Variants in AEBP2 observed in about 807,000 individuals in gnomAD.
The protein encoded by AEBP2 is zinc finger protein AEBP2.
In AEBP2, 10 loss-of-function variants were observed where a neutral mutation model predicts 50.8. The ratio of observed to expected loss-of-function variants is 0.20; its 90% confidence interval spans 0.12 to 0.33. The LOEUF (loss-of-function observed/expected upper bound fraction) is 0.33. Among genes scored for constraint, AEBP2 ranks in the 10% least tolerant of loss-of-function variants. AEBP2 has a pLI of 1.00. For missense variants in AEBP2, 570 were observed against 688.0 expected, an observed-to-expected ratio of 0.83 and a Z score of 1.92; for synonymous variants, 296 against 261.3, an observed-to-expected ratio of 1.13 and a Z score of -1.28.
chr12:19,424,162 C>T (rs1467782920), intron 1 of AEBP2, among the ~76,000 whole-genome samples: 1 of 151,986 alleles, frequency 6.6e-6, no homozygotes, highest in Non-Finnish European at 1.5e-5. Flanking sequence ...ACCATGAAAG[C>T]TATAGATCAT....
At chr12:19,484,523 C>T (rs1208248361) in intron 3 of AEBP2, among the ~76,000 whole-genome samples, 4 of 151,736 alleles carry the variant, frequency 2.6e-5, no homozygotes, top group Non-Finnish European at 5.9e-5. Flanking sequence ...TACAGGTACC[C>T]ACCACCACGC....
intron 1 of AEBP2, among the ~76,000 whole-genome samples, chr12:19,441,106 G>A (rs1166642986): frequency 6.6e-6 from 1 of 152,160 alleles, no homozygotes; most frequent in African/African-American, 2.4e-5. Flanking sequence ...CAGTCTTGAA[G>A]GTACAACGTA....
At chr12:19,458,382 T>C (rs1948311081) in intron 1 of AEBP2, among the ~76,000 whole-genome samples, 1 of 152,178 alleles carries the variant, frequency 6.6e-6, no homozygotes, top group Non-Finnish European at 1.5e-5. Flanking sequence ...CTGTTCAGCT[T>C]GGGGGAGACT....
chr12:19,473,819 T>C (rs981117235), intron 3 of AEBP2, among the ~76,000 whole-genome samples: 2 of 152,224 alleles, frequency 1.3e-5, no homozygotes, highest in Admixed American at 6.5e-5. Context: ...TGTACACGCA[T>C]TGAATTTCAA....
chr12:19,439,625 G>GGGGGCGAGGGAGAGA lies in AEBP2; in HGVS notation c.-73_-59dup, dbSNP rs1947903007. 6.8e-7 allele frequency: 1 copy of GGGGGCGAGGGAGAGA among 1,478,884 alleles called. No homozygotes were observed. The highest frequency in any genetic ancestry group is 1.5e-5 in the African/African-American group (1 of 68,962). The allele number at this position is 1,478,884 out of a possible 1,614,324, so 91.6% of individuals were successfully genotyped here. A position where few individuals can be genotyped will look rare whatever the true frequency, so the allele number is the denominator to read the frequency against. On this transcript the variant is annotated 5_prime_UTR_variant, in exon 1 of 8. Transcript: ENST00000266508. Reference sequence around the variant, plus strand: ...CGGCGGAGTTTTGGGCGTTTGGGAGGGGGGCGAGGGAGAGAGAGTCGAGAG... The same window carrying GGGGGCGAGGGAGAGA: ...CGGCGGAGTTTTGGGCGTTTGGGAGGGGGGCGAGGGAGAGAGGGGCGAGGGAGAGAGAGTCGAGAG...
chr12:19,486,277 C>G (rs78640511), intron 3 of AEBP2, among the ~76,000 whole-genome samples: 1 of 152,012 alleles, frequency 6.6e-6, no homozygotes, highest in Non-Finnish European at 1.5e-5. Flanking sequence ...GAGATTTGTA[C>G]GAATTGTATC....
At chr12:19,419,465 T>A (rs1366724213) in intron 1 of AEBP2, among the ~76,000 whole-genome samples, 2 of 152,008 alleles carry the variant, frequency 1.3e-5, no homozygotes, top group Non-Finnish European at 2.9e-5. Context: ...GGCACGTGCC[T>A]ATAGTCCTAG....
In AEBP2 at chr12:19,513,015, TTTTTGTTTTTTTG is replaced by T. The variant is rs1162153068; in HGVS notation, c.1367+562_1367+574del. On this transcript the variant is annotated intron_variant, in intron 6 of 7. Transcript: ENST00000266508. The stretch of plus-strand genomic sequence containing the variant: ...ATCTTGTGTGGTGTTTTTTGTTTTG[TTTTTGTTTTTTTG>T]TTTTGTTTTTTGAGATGCTCAACCT... Among the ~76,000 whole-genome samples the T allele has an allele frequency of 2.6e-5, 4 of 152,086 alleles. No homozygotes were observed. In the East Asian group the frequency reaches 5.8e-4, roughly 22 times the overall value.
chr12:19,440,133 C>T lies in AEBP2; in HGVS notation c.434C>T (p.Ala145Val). 6.6e-7 allele frequency: 1 copy of T among 1,504,488 alleles called. No individual in the cohort carries two copies. Among genetic ancestry groups the T allele is most frequent in the Non-Finnish European group, 8.8e-7 (1 of 1,133,202 alleles). The allele number at this position is 1,504,488 out of a possible 1,614,324, so 93.2% of individuals were successfully genotyped here. Residue 145 changes from alanine to valine, a missense_variant, in exon 1 of 8, where the codon GCC (alanine) becomes GTC (valine). Coordinates refer to ENST00000266508, the MANE Select transcript of AEBP2 (RefSeq NM_153207.5). ...DETRSLSPGA[A>V]SSSSGDGDGK... ...ACCCGCTCGTTGAGCCCCGGCGCCG[C>T]CAGCAGCAGCAGCGGGGATGGGGAC...
At chr12:19,422,584 C>T (rs2095746372) in intron 1 of AEBP2, among the ~76,000 whole-genome samples, 1 of 151,878 alleles carries the variant, frequency 6.6e-6, no homozygotes, top group African/African-American at 2.4e-5. Context: ...GCAACGTCCA[C>T]CTCCCGGATT....
chr12:19,415,662 A>ACT lies in AEBP2; in HGVS notation c.-17+11446_-17+11447insCT, dbSNP rs1439802461. 2.8e-3 allele frequency among the ~76,000 whole-genome samples: 405 copies of ACT among 145,082 alleles called. 1 individual carries two copies. The highest frequency in any genetic ancestry group is 9.8e-3 in the African/African-American group (382 of 39,046). The stretch of plus-strand genomic sequence containing the variant: ...CAGAGATGAGAGATTAAATCAATAC[A>ACT]ATACAATACAATACAATACAATACA... On this transcript the variant is annotated intron_variant, in intron 1 of 3. Coordinates refer to the AEBP2 transcript ENST00000538425.
At chr12:19,423,179 G>A (rs1250350985) in intron 1 of AEBP2, among the ~76,000 whole-genome samples, 1 of 150,424 alleles carries the variant, frequency 6.6e-6, no homozygotes, top group Non-Finnish European at 1.5e-5. Flanking sequence ...GCTAAGAGCA[G>A]TGCCTCATAC....
intron 4 of AEBP2, among the ~76,000 whole-genome samples, chr12:19,498,078 C>T (rs1949014033): frequency 6.6e-6 from 1 of 152,130 alleles, no homozygotes; most frequent in Non-Finnish European, 1.5e-5. Context: ...TTGAGGACTC[C>T]TTTCATTATT....
At chr12:19,468,975 A>AGTGTAG (rs1336396608) in intron 2 of AEBP2, among the ~76,000 whole-genome samples, 1 of 152,178 alleles carries the variant, frequency 6.6e-6, no homozygotes, top group East Asian at 1.9e-4. Context: ...CCCAGGCTGG[A>AGTGTAG]GTGTAGTGGC....
chr12:19,407,582 G>A (rs1320753373), intron 1 of AEBP2, among the ~76,000 whole-genome samples: 1 of 152,106 alleles, frequency 6.6e-6, no homozygotes, highest in African/African-American at 2.4e-5. Context: ...TATTACAGGC[G>A]TGAGCCACTA....
intron 2 of AEBP2, among the ~76,000 whole-genome samples, chr12:19,472,164 C>A (rs938066998): frequency 3.3e-5 from 5 of 152,012 alleles, no homozygotes; most frequent in African/African-American, 1.2e-4. Flanking sequence ...TTTTTCTAGT[C>A]TATTAAAAAT....
intron 1 of AEBP2, among the ~76,000 whole-genome samples, chr12:19,452,195 A>G (rs1948175749): frequency 6.6e-6 from 1 of 152,024 alleles, no homozygotes; most frequent in East Asian, 1.9e-4. Flanking sequence ...GTTTCACCAT[A>G]TTACACAGGT....
intron 2 of AEBP2, among the ~76,000 whole-genome samples, chr12:19,467,435 A>G (rs1015267875): frequency 6.6e-6 from 1 of 152,116 alleles, no homozygotes; most frequent in Non-Finnish European, 1.5e-5. Context: ...CTGGGACTAC[A>G]GGTGTGCGCC....
chr12:19,456,228 G>A, intron 1 of AEBP2: 1 of 1,485,094 alleles, frequency 6.7e-7, no homozygotes, highest in Non-Finnish European at 9.2e-7. Context: ...CGGGGTGGCA[G>A]GTATTAGGGA....
Sources: allele counts gnomAD v4.1 joint callset (sites outside exome capture counted in the v4.1 genomes callset), GRCh38; gene constraint gnomAD v4.1.1; transcripts MANE v1.5; gene names NCBI Gene and HGNC (gene_info 2026-07-23, HGNC 2026-07-21).